The following CD300C variants were observed in gnomAD, a reference collection of about 807,000 sequenced individuals.
The protein encoded by CD300C is CD300c molecule, also known as CMRF35-like molecule 6.
A neutral mutation model predicts 18.4 loss-of-function variants in CD300C; 11 were observed. The observed-to-expected ratio is 0.60, with a 90% CI of 0.38 to 0.99. The LOEUF (loss-of-function observed/expected upper bound fraction) is 0.99. Among genes scored for constraint, CD300C ranks in the 50% least tolerant of loss-of-function variants. CD300C has a pLI of 0.01. For synonymous variants in CD300C, 116 were observed against 116.3 expected (o/e 1.00, Z 0.02); for missense variants, 277 against 287.4 (o/e 0.96, Z 0.26).
At chr17:74,545,268 CTGTG>C (rs886535419) in intron 1 of CD300C, among the ~76,000 whole-genome samples, 1 of 148,166 alleles carries the variant, frequency 6.7e-6, no homozygotes, top group Admixed American at 6.7e-5. Flanking sequence ...CTGTGTGTGA[CTGTG>C]TGTGCATGTG....
At chr17:74,542,756 T>A in intron 3 of CD300C, 105 bp downstream of exon 3, 1 of 1,324,848 alleles carries the variant, frequency 7.5e-7, no homozygotes. Flanking sequence ...GTGTGGGAGG[T>A]GCGAACAAAG....
intron 2 of CD300C, among the ~76,000 whole-genome samples, chr17:74,544,234 G>T (rs897960029): frequency 1.2e-4 from 19 of 152,078 alleles, no homozygotes; most frequent in Admixed American, 7.9e-4. Flanking sequence ...TCCGGCCCTT[G>T]TCAATACAGG....
rs763578790 is a variant in CD300C at position 74,541,720 on chromosome 17, C to T, written c.544G>A (p.Val182Ile). 3.7e-6 allele frequency: 6 copies of T among 1,613,666 alleles called. No individual in the cohort carries two copies. Among genetic ancestry groups the T allele is most frequent in the Non-Finnish European group, 5.1e-6 (6 of 1,179,728 alleles). The change falls in exon 4 of 4, where the codon GTC (valine) becomes ATC (isoleucine). Residue 182 changes from valine (V) to isoleucine (I), a missense_variant. Physicochemically the swap from Val to Ile is conservative, Grantham distance 29. Transcript: ENST00000330793. ...SPHPGSLFSN[V>I]RFLLLVLLEL... is the part of the protein sequence containing the mutation. Reference sequence around the variant, plus strand: ...AAGAGGACCAGGAGCAGGAAGCGGACATTGCTGAACAGGGAGCTGTGGGGA... The same window carrying T: ...AAGAGGACCAGGAGCAGGAAGCGGATATTGCTGAACAGGGAGCTGTGGGGA...
chr17:74,538,666 C>T (rs1191385710), downstream of CD300C, among the ~76,000 whole-genome samples: 1 of 152,212 alleles, frequency 6.6e-6, no homozygotes, highest in Non-Finnish European at 1.5e-5. Flanking sequence ...ACAAGAATCT[C>T]TACCAAAGCC....
the CD300C span, among the ~76,000 whole-genome samples, chr17:74,534,754 T>C: frequency 6.6e-6 from 1 of 152,062 alleles, no homozygotes; most frequent in African/African-American, 2.4e-5. Context: ...ATATAATGAA[T>C]CACATTAATA....
downstream of CD300C, among the ~76,000 whole-genome samples, chr17:74,539,709 C>T (rs997662450): frequency 3.3e-5 from 5 of 152,240 alleles, no homozygotes; most frequent in African/African-American, 1.2e-4. Context: ...GACCCTCAAC[C>T]TCCCACTCCT....
chr17:74,540,221 G>A (rs561362245), downstream of CD300C, among the ~76,000 whole-genome samples: 44 of 152,190 alleles, frequency 2.9e-4, no homozygotes, highest in Non-Finnish European at 5.7e-4. Context: ...GGATCCTGGC[G>A]CTCACCCCCC....
At chr17:74,545,286 CTG>C (rs1244541403) in intron 1 of CD300C, among the ~76,000 whole-genome samples, 7 of 147,042 alleles carry the variant, frequency 4.8e-5, no homozygotes, top group South Asian at 2.2e-4. Flanking sequence ...GCATGTGTGA[CTG>C]TGTGTGCATG....
Position 74,546,078 on chromosome 17 carries a change from G to T in CD300C, c.-296C>A. ...GTGGCGATGCAGCCACTTCCCCACA[G>T]CCCACAGCTTCTGGCTTCAGTGTGT... On this transcript the variant is annotated 5_prime_UTR_variant, in exon 1 of 4. The change creates a new upstream start codon in the 5' untranslated region. Coordinates refer to ENST00000330793, the MANE Select transcript of CD300C (RefSeq NM_006678.5). 1 of 378,094 alleles carries T rather than the reference G, an allele frequency of 2.6e-6. No homozygotes were observed. The highest frequency in any genetic ancestry group is 5.0e-6 in the Non-Finnish European group (1 of 201,248). 23.4% of individuals were successfully genotyped at this position (378,094 alleles called of 1,614,324 possible).
chr17:74,541,422 G>A lies in CD300C; in HGVS notation c.*167C>T, dbSNP rs1220791544. ...AGCTCAGGGCGTCCATGTCCGTCAG[G>A]TTCACATGTGACACATGAGGATCGG... On this transcript the variant is annotated 3_prime_UTR_variant, in exon 4 of 4. Transcript: ENST00000330793. 2.1e-5 allele frequency: 14 copies of A among 652,468 alleles called. No homozygotes were observed. In the East Asian group the frequency reaches 3.6e-4, roughly 17 times the overall value. The allele number at this position is 652,468 out of a possible 1,614,324, so 40.4% of individuals were successfully genotyped here.
chr17:74,538,515 TAGC>T (rs965616418), downstream of CD300C, among the ~76,000 whole-genome samples: 7 of 152,162 alleles, frequency 4.6e-5, no homozygotes, highest in African/African-American at 1.7e-4. Context: ...AACCTGGACA[TAGC>T]AGCCAGATAC....
chr17:74,545,641 C>A lies in CD300C; in HGVS notation c.61+81G>T, dbSNP rs1405845549. ...CTCCCTGCCCCACTCCCCTCTATGA[C>A]CGCTACTCCAGCGCCTGCACCCCTC... On this transcript the variant is annotated intron_variant, in intron 1 of 3. Coordinates refer to ENST00000330793, the MANE Select transcript of CD300C (RefSeq NM_006678.5). 4.4e-6 allele frequency: 5 copies of A among 1,133,250 alleles called. No homozygotes were observed. The Admixed American group carries it at 9.9e-5, about 22-fold the overall frequency. 70.2% of individuals were successfully genotyped at this position (1,133,250 alleles called of 1,614,324 possible).
downstream of CD300C, among the ~76,000 whole-genome samples, chr17:74,538,982 G>C (rs11654815): frequency 0.44 from 66,918 of 152,024 alleles, 16,518 homozygotes; most frequent in Middle Eastern, 0.64. Flanking sequence ...ACTCAGAATG[G>C]CTGGTTCTCC....
At position 74,541,207 on chromosome 17, in the gene CD300C, T is replaced by G; in HGVS notation, c.*382A>C. ...ATTCTACACTCCTGGACCCAGGGAG[T>G]GTGGGCCATTATGGTGGCAAAGGTG... On this transcript the variant is annotated 3_prime_UTR_variant, in exon 4 of 4. Transcript: ENST00000330793. 4.9e-6 allele frequency: 1 copy of G among 204,312 alleles called. No individual in the cohort carries two copies. Among genetic ancestry groups the G allele is most frequent in the Non-Finnish European group, 1.0e-5 (1 of 99,116 alleles). 12.7% of individuals were successfully genotyped at this position (204,312 alleles called of 1,614,324 possible). A position where few individuals can be genotyped will look rare whatever the true frequency, so the allele number is the denominator to read the frequency against.
In CD300C at chr17:74,541,679, G is replaced by C; in HGVS notation, c.585C>G (p.Leu195=). Residue 195 remains leucine (L), a synonymous_variant, in exon 4 of 4, where the codon CTC becomes CTG. Coordinates refer to ENST00000330793, the MANE Select transcript of CD300C (RefSeq NM_006678.5). ...AGAGGACGGCACCCAGCATGCTCAG[G>C]AGCAGGGGCAGCTCCAAGAGGACCA... ...LLLVLLELPL[L]LSMLGAVLWV... The C allele has an allele frequency of 6.2e-7, 1 of 1,613,968 alleles. No homozygotes were observed. Among genetic ancestry groups the C allele is most frequent in the Non-Finnish European group, 8.5e-7 (1 of 1,179,854 alleles).
At chr17:74,537,079 AAGTAGGCAGAAG>A (rs1298914270), downstream of CD300C, among the ~76,000 whole-genome samples, 3 of 144,390 alleles carry the variant, frequency 2.1e-5, no homozygotes, top group Non-Finnish European at 3.0e-5. Flanking sequence ...GGAGGAGGAG[AAGTAGGCAGAAG>A]AGTAGGCAGA....
In CD300C at chr17:74,544,945, A is replaced by T. The variant is rs745858387; in HGVS notation, c.64T>A (p.Tyr22Asn). Residue 22 changes from tyrosine to asparagine, a missense_variant and splice_region_variant, in exon 2 of 4, where the codon TAT becomes AAT. Physicochemically the swap from Tyr to Asn is moderately radical, Grantham distance 143 (BLOSUM62 -2). Transcript: ENST00000330793. ...GTCATGGGGTGGCTCAGAGGAAAAT[A>T]GCCTGAAAAATACAAGCCAAAATCC... ...SALLLLLVPG[Y>N]FPLSHPMTVA... 2 of 1,605,536 alleles carry T rather than the reference A, an allele frequency of 1.2e-6. No individual in the cohort carries two copies. Among genetic ancestry groups the T allele is most frequent in the South Asian group, 1.1e-5 (1 of 90,000 alleles).
In CD300C at chr17:74,545,046, G is replaced by A. The variant is rs530307897; in HGVS notation, c.62-99C>T. On this transcript the variant is annotated intron_variant, in intron 1 of 3. Transcript: ENST00000330793. Reference sequence around the variant, plus strand: ...CATGGACCCTGGGCGTGTGGAGAAGGCAATGGCAGGCAGGCAGCCTTTGTC... The same window carrying A: ...CATGGACCCTGGGCGTGTGGAGAAGACAATGGCAGGCAGGCAGCCTTTGTC... The A allele has an allele frequency of 1.5e-5, 16 of 1,098,520 alleles. No homozygotes were observed. In the African/African-American group the frequency reaches 2.2e-4, roughly 15 times the overall value. The allele number at this position is 1,098,520 out of a possible 1,614,324, so 68.0% of individuals were successfully genotyped here.
downstream of CD300C, among the ~76,000 whole-genome samples, chr17:74,538,342 G>A (rs1034862213): frequency 2.0e-5 from 3 of 152,126 alleles, no homozygotes; most frequent in Non-Finnish European, 2.9e-5. Flanking sequence ...AGGAGCAGGG[G>A]AAGCTCCAGG....
Sources: gnomAD v4.1 joint callset for allele counts (sites outside exome capture counted in the v4.1 genomes callset) on GRCh38, gnomAD v4.1.1 for gene constraint, MANE v1.5 for transcripts, NCBI Gene and HGNC (gene_info 2026-07-23, HGNC 2026-07-21) for gene names.